SRBD1: variants seen among roughly 807,000 people sequenced by gnomAD.
SRBD1 encodes S1 RNA-binding domain-containing protein 1.
SRBD1 carries 88 observed loss-of-function variants against 115.3 expected under a neutral mutation model. That is an observed-to-expected ratio of 0.76 (90% CI 0.64 to 0.91). The LOEUF (loss-of-function observed/expected upper bound fraction) is 0.91, where lower values mean the gene tolerates loss of function less well. SRBD1 is among the 40% of genes least tolerant of loss of function. The pLI, the probability that SRBD1 is intolerant of heterozygous loss-of-function variation, is 0.00. For synonymous variants in SRBD1, 509 were observed against 407.7 expected (o/e 1.25, Z -2.99); for missense variants, 1,385 against 1,177.4 (o/e 1.18, Z -2.58).
intron 14 of SRBD1, among the ~76,000 whole-genome samples, chr2:45,544,105 C>T (rs778905347): frequency 6.6e-6 from 1 of 151,822 alleles, no homozygotes; most frequent in African/African-American, 2.4e-5. Context: ...TGGTGGCGGG[C>T]ACCTGTAGTC....
At chr2:45,535,288 G>A (rs1001393119) in intron 14 of SRBD1, among the ~76,000 whole-genome samples, 1 of 151,672 alleles carries the variant, frequency 6.6e-6, no homozygotes, top group Non-Finnish European at 1.5e-5. Flanking sequence ...CTGTGCTGAG[G>A]TCCAGATGTT....
intron 15 of SRBD1, among the ~76,000 whole-genome samples, chr2:45,478,851 C>A (rs1173854333): frequency 6.6e-6 from 1 of 152,124 alleles, no homozygotes; most frequent in African/African-American, 2.4e-5. Flanking sequence ...TTGCATTTTG[C>A]TTTATTGTGC....
chr2:45,598,051 A>C (rs1572824661), intron 4 of SRBD1, among the ~76,000 whole-genome samples: 1 of 152,218 alleles, frequency 6.6e-6, no homozygotes, highest in African/African-American at 2.4e-5. Context: ...GTACATGTCC[A>C]CCTGCCTCTG....
At chr2:45,418,206 T>C (rs1667888281) in intron 18 of SRBD1, among the ~76,000 whole-genome samples, 159 bp downstream of exon 18, 1 of 152,182 alleles carries the variant, frequency 6.6e-6, no homozygotes, top group South Asian at 2.1e-4. Context: ...CTCACTGTTG[T>C]ATTCCCAATG....
At chr2:45,595,885 G>C (rs989407261) in intron 4 of SRBD1, among the ~76,000 whole-genome samples, 1 of 152,136 alleles carries the variant, frequency 6.6e-6, no homozygotes, top group African/African-American at 2.4e-5. Context: ...ATTGCCATCA[G>C]ATTGCTCAGC....
chr2:45,412,488 T>C (rs1337948581), intron 19 of SRBD1, among the ~76,000 whole-genome samples: 2 of 152,196 alleles, frequency 1.3e-5, no homozygotes, highest in Non-Finnish European at 2.9e-5. Flanking sequence ...AAATATTCAC[T>C]ATATTTGTTA....
intron 19 of SRBD1, among the ~76,000 whole-genome samples, chr2:45,406,572 C>G (rs1182352879): frequency 6.6e-6 from 1 of 152,104 alleles, no homozygotes; most frequent in Non-Finnish European, 1.5e-5. Context: ...ACACGCTACT[C>G]CTGCTCTGTA....
At chr2:45,417,017 G>A (rs1667854379) in intron 18 of SRBD1, among the ~76,000 whole-genome samples, 1 of 152,166 alleles carries the variant, frequency 6.6e-6, no homozygotes, top group Non-Finnish European at 1.5e-5. Flanking sequence ...GGCCTCAGGT[G>A]AACGACGGCT....
Position 45,551,139 on chromosome 2 carries a change from A to G in SRBD1, c.1661T>C (p.Ile554Thr). ...AGACAACTTACTAGTAGGAGAAATT[A>G]TAGCTAATTTGCAACCATGTTTATA... ...PGYKHGCKLAIISPTSQILHT... is the reference protein window; with the variant it reads ...PGYKHGCKLATISPTSQILHT... The change falls in exon 12 of 21, where the codon ATA becomes ACA. Residue 554 changes from isoleucine to threonine, a missense_variant. Ile to Thr is a moderately conservative substitution (Grantham distance 89). Transcript: ENST00000263736. 1 of 1,594,840 alleles carries G rather than the reference A, an allele frequency of 6.3e-7. No homozygotes were observed. The highest frequency in any genetic ancestry group is 8.5e-7 in the Non-Finnish European group (1 of 1,175,136).
At chr2:45,587,034 AAAATTTTTAAATATTT>A (rs1239470102) in intron 4 of SRBD1, among the ~76,000 whole-genome samples, 8 of 95,348 alleles carry the variant, frequency 8.4e-5, no homozygotes, top group African/African-American at 1.8e-4. Flanking sequence ...AAAATATTTA[AAAATTTTTAAATATTT>A]AATTATTTTA....
chr2:45,602,204 G>T, intron 2 of SRBD1, 121 bp from the exon 3 acceptor site: 2 of 1,137,202 alleles, frequency 1.8e-6, no homozygotes, highest in Non-Finnish European at 2.5e-6. Context: ...AAAATGGAGT[G>T]ATTGAGTACA....
At chr2:45,593,754 T>G (rs1189843899) in intron 4 of SRBD1, among the ~76,000 whole-genome samples, 1 of 152,230 alleles carries the variant, frequency 6.6e-6, no homozygotes, top group Non-Finnish European at 1.5e-5. Context: ...TGATTTCTGC[T>G]GTTCTCCTTA....
intron 2 of SRBD1, among the ~76,000 whole-genome samples, 190 bp downstream of exon 2, chr2:45,605,172 C>T (rs1247610167): frequency 6.6e-6 from 1 of 152,128 alleles, no homozygotes; most frequent in African/African-American, 2.4e-5. Context: ...TCTCTCCTTT[C>T]GATACTTTAT....
chr2:45,539,874 T>C (rs548157854), intron 14 of SRBD1, among the ~76,000 whole-genome samples: 2 of 152,182 alleles, frequency 1.3e-5, no homozygotes, highest in African/African-American at 4.8e-5. Context: ...AATTACAGCA[T>C]ATAGCAGAAA....
At chr2:45,603,006 G>A (rs908441958) in intron 2 of SRBD1, among the ~76,000 whole-genome samples, 2 of 152,044 alleles carry the variant, frequency 1.3e-5, no homozygotes. Flanking sequence ...CAAAAAACAG[G>A]AATAATCAGA....
chr2:45,516,775 T>G (rs1292912169), intron 14 of SRBD1, among the ~76,000 whole-genome samples: 1 of 152,186 alleles, frequency 6.6e-6, no homozygotes, highest in Non-Finnish European at 1.5e-5. Flanking sequence ...ATAGATGCTG[T>G]AAGGAATTTT....
intron 14 of SRBD1, among the ~76,000 whole-genome samples, chr2:45,517,906 T>C (rs144184013): frequency 3.3e-5 from 5 of 151,814 alleles, no homozygotes; most frequent in Admixed American, 6.6e-5. Context: ...GGGGCTGAGG[T>C]TGGAGGATCC....
intron 4 of SRBD1, among the ~76,000 whole-genome samples, chr2:45,591,935 C>T (rs1454225474): frequency 6.6e-6 from 1 of 152,096 alleles, no homozygotes; most frequent in Non-Finnish European, 1.5e-5. Context: ...TGGCTATGTG[C>T]CCACCCAAAT....
At chr2:45,567,964 T>C (rs1344376814) in intron 9 of SRBD1, 2 of 152,078 alleles carry the variant, frequency 1.3e-5, no homozygotes, top group South Asian at 2.1e-4. Flanking sequence ...GGAAGACCCA[T>C]GGTGGAGAAG....
Sources: allele counts gnomAD v4.1 joint callset (sites outside exome capture counted in the v4.1 genomes callset), GRCh38; gene constraint gnomAD v4.1.1; transcripts MANE v1.5; gene names NCBI Gene and HGNC (gene_info 2026-07-23, HGNC 2026-07-21).